The following COL6A3 variants were observed in gnomAD, a reference collection of about 807,000 sequenced individuals.
The protein encoded by COL6A3 is collagen alpha-3(VI) chain.
In COL6A3, 137 loss-of-function variants were observed where a neutral mutation model predicts 274.1. The observed-to-expected ratio is 0.50, with a 90% CI of 0.44 to 0.58. COL6A3 has a LOEUF of 0.58. COL6A3 is among the 20% of genes least tolerant of loss of function. The pLI is 0.00. For synonymous variants in COL6A3, 1,650 were observed against 1,650.6 expected, an observed-to-expected ratio of 1.00 and a Z score of 0.01; for missense variants, 3,950 against 4,124.9, an observed-to-expected ratio of 0.96 and a Z score of 1.16.
chr2:237,398,622 G>A (rs568284619), intron 1 of COL6A3, among the ~76,000 whole-genome samples: 1 of 152,212 alleles, frequency 6.6e-6, no homozygotes, highest in Admixed American at 6.5e-5. Context: ...CTGCCCACAG[G>A]ACCCTGTGCT....
In COL6A3 at chr2:237,368,429, A is replaced by G. The variant is rs773687113; in HGVS notation, c.4900+134T>C. On this transcript the variant is annotated intron_variant, in intron 10 of 43. Transcript: ENST00000295550. This position sits in a 1 kb window ranked among gnomAD's most constrained non-coding sequence, Gnocchi z 4.4. ...ATTTCAATGGAACTACTTTTCCAGT[A>G]TTTAATTTCTAATATTATCTGAAGA... The G allele has an allele frequency of 8.9e-7, 1 of 1,125,812 alleles. No individual in the cohort carries two copies. The highest frequency in any genetic ancestry group is 1.6e-5 in the South Asian group (1 of 62,270). 69.7% of individuals were successfully genotyped at this position (1,125,812 alleles called of 1,614,324 possible).
At chr2:237,357,262 G>T in intron 23 of COL6A3, 76 bp downstream of exon 23, 1 of 1,242,760 alleles carries the variant, frequency 8.0e-7, no homozygotes, top group Non-Finnish European at 1.2e-6. Flanking sequence ...GACTAACCAT[G>T]CACCAGGTCA....
rs1293149025 is a variant in COL6A3, at chr2:237,374,278, A to C, written c.3679+134T>G. 6.7e-6 allele frequency: 9 copies of C among 1,346,330 alleles called. No homozygotes were observed. Among genetic ancestry groups the C allele is most frequent in the East Asian group, 4.6e-5 (2 of 43,388 alleles). 83.4% of individuals were successfully genotyped at this position (1,346,330 alleles called of 1,614,324 possible). On this transcript the variant is annotated intron_variant, in intron 8 of 43. Coordinates refer to ENST00000295550, the MANE Select transcript of COL6A3 (RefSeq NM_004369.4). The surrounding 1 kb of genome is among the most constrained non-coding windows in gnomAD (Gnocchi z 4.8). The stretch of plus-strand genomic sequence containing the variant: ...GGCCAAAAAGGGCATGTGGGTTCCT[A>C]AATTTTCCTGTAATTTTAGTTTTCA...
chr2:237,374,205 G>A lies in COL6A3; in HGVS notation c.3679+207C>T, dbSNP rs967277176. Among the ~76,000 whole-genome samples, 6 of 152,172 alleles carry A rather than the reference G, an allele frequency of 3.9e-5. No homozygotes were observed. Among genetic ancestry groups the A allele is most frequent in the Non-Finnish European group, 1.5e-5 (1 of 68,034 alleles). On this transcript the variant is annotated intron_variant, in intron 8 of 43. Coordinates refer to ENST00000295550, the MANE Select transcript of COL6A3 (RefSeq NM_004369.4). The surrounding 1 kb of genome is among the most constrained non-coding windows in gnomAD (Gnocchi z 4.8). The stretch of plus-strand genomic sequence containing the variant: ...GAGAATTTAATTTGCCCCAAAACAT[G>A]AATCTTAGCATCTCCCCCCTTGAAC...
Position 237,344,150 on chromosome 2 carries a change from G to A in COL6A3, c.7668+200C>T. 3 of 752,718 alleles carry A rather than the reference G, an allele frequency of 4.0e-6. No individual in the cohort carries two copies. In the South Asian group the frequency reaches 4.6e-5, roughly 11 times the overall value. 46.6% of individuals were successfully genotyped at this position (752,718 alleles called of 1,614,324 possible). A position where few individuals can be genotyped will look rare whatever the true frequency, so the allele number is the denominator to read the frequency against. ...GAGGGACCTGGGGGCAGTGCTACAA[G>A]CATGTAGGCGTCCCTGTAGTGCTGG... is the stretch of plus-strand genomic sequence containing the variant. On this transcript the variant is annotated intron_variant, in intron 36 of 43. Transcript: ENST00000295550. This position sits in a 1 kb window ranked among gnomAD's most constrained non-coding sequence, Gnocchi z 4.8.
Position 237,387,738 on chromosome 2 carries a change from T to A in COL6A3, c.1156A>T (p.Arg386Trp). 6.2e-7 allele frequency: 1 copy of A among 1,614,044 alleles called. No individual in the cohort carries two copies. The highest frequency in any genetic ancestry group is 8.5e-7 in the Non-Finnish European group (1 of 1,179,962). ...GTAGCTATGTGCTGAAGCTCTGCCC[T>A]GGAGGCGGCCTGGGCTCCAAGGCCG... ...SFGLGAQAASRAELQHIATDD... is the reference protein window; with the variant it reads ...SFGLGAQAASWAELQHIATDD... The change falls in exon 4 of 44, where the codon AGG becomes TGG. Residue 386 changes from arginine (R) to tryptophan (W), a missense_variant. This residue lies in a region of COL6A3 where 1,934 missense variants were observed against 1,984.3 expected (regional missense o/e 0.97). Transcript: ENST00000295550.
intron 8 of COL6A3, among the ~76,000 whole-genome samples, chr2:237,372,864 T>C (rs1193944057): frequency 6.6e-6 from 1 of 152,138 alleles, no homozygotes; most frequent in Non-Finnish European, 1.5e-5. Flanking sequence ...ATGCATTTTA[T>C]CATGGATGGA....
In COL6A3 at chr2:237,368,972, G is replaced by A. The variant is rs558665283; in HGVS notation, c.4491C>T (p.Ala1497=). ...GGCGCCGTATGGCGTCCAGCACCGG[G>A]GCCTGGGATCTGTAGGTTTTCAGAT... The part of the protein sequence containing the change: ...EFYLKTYRSQ[A]PVLDAIRRLR... Residue 1497 remains alanine (A), a synonymous_variant, in exon 10 of 44, where the codon GCC becomes GCT. Transcript: ENST00000295550. The surrounding 1 kb of genome is among the most constrained non-coding windows in gnomAD (Gnocchi z 4.4). 43 of 1,614,186 alleles carry A rather than the reference G, an allele frequency of 2.7e-5. No homozygotes were observed. The East Asian group carries it at 5.1e-4, about 19-fold the overall frequency.
chr2:237,396,131 C>T (rs994762248), intron 2 of COL6A3, among the ~76,000 whole-genome samples: 17 of 152,212 alleles, frequency 1.1e-4, no homozygotes, highest in African/African-American at 3.9e-4. Context: ...AGAGGGAGAC[C>T]CACCTGAGTC....
chr2:237,376,755 G>C lies in COL6A3; in HGVS notation c.3070+17C>G. ...AGAGAACTGAGTGGCAGAGCAACTA[G>C]CATTTCTCTACCATACCTGGTGCTG... On this transcript the variant is annotated intron_variant, in intron 7 of 43. Transcript: ENST00000295550. 6.2e-7 allele frequency: 1 copy of C among 1,610,350 alleles called. No individual in the cohort carries two copies.
At position 237,342,114 on chromosome 2, in the gene COL6A3, T is replaced by A; in HGVS notation, c.7716A>T (p.Arg2572Ser). 6.2e-7 allele frequency: 1 copy of A among 1,614,222 alleles called. No homozygotes were observed. Among genetic ancestry groups the A allele is most frequent in the Non-Finnish European group, 8.5e-7 (1 of 1,180,042 alleles). ...VGHALVLPAGRDLTDFLENVL... is the reference protein window; with the variant it reads ...VGHALVLPAGSDLTDFLENVL... ...CATTCTCCAGGAAGTCTGTGAGGTC[T>A]CTCCCTGCAGGCAGGACAAGCGCAT... Residue 2572 changes from arginine (R) to serine (S), a missense_variant, in exon 37 of 44, where the codon AGA (arginine) becomes AGT (serine). Coordinates refer to ENST00000295550, the MANE Select transcript of COL6A3 (RefSeq NM_004369.4).
In COL6A3 at chr2:237,325,696, T is replaced by G; in HGVS notation, c.9357A>C (p.Gly3119=). The G allele has an allele frequency of 6.2e-7, 1 of 1,614,118 alleles. No individual in the cohort carries two copies. Among genetic ancestry groups the G allele is most frequent in the Non-Finnish European group, 8.5e-7 (1 of 1,180,010 alleles). Residue 3119 remains glycine, a synonymous_variant, in exon 43 of 44, where the codon GGA becomes GGC. Coordinates refer to ENST00000295550, the MANE Select transcript of COL6A3 (RefSeq NM_004369.4). ...TDICKLPKDE[G]TCRDFILKWY... ...ATTTTAATATGAAATCCCTGCAAGT[T>G]CCTTCGTCTTTCGGCAACTTGCATA...
In COL6A3 at chr2:237,363,390, C is replaced by T; in HGVS notation, c.5926G>A (p.Ala1976Thr). 3 of 1,614,200 alleles carry T rather than the reference C, an allele frequency of 1.9e-6. No individual in the cohort carries two copies. The African/African-American group carries it at 4.0e-5, about 22-fold the overall frequency. The change falls in exon 14 of 44, where the codon GCC becomes ACC. Residue 1976 changes from alanine (A) to threonine (T), a missense_variant. Transcript: ENST00000295550. The part of the protein sequence containing the change: ...SENLRQEGVR[A>T]LILVGLERVV... ...CGTTCAAGGCCCACCAGGATCAAGG[C>T]ACGGACTCCTGCAAAGAAAGACACA...
intron 38 of COL6A3, among the ~76,000 whole-genome samples, chr2:237,339,597 A>T (rs527764996): frequency 6.6e-6 from 1 of 152,364 alleles, no homozygotes; most frequent in Non-Finnish European, 1.5e-5. Flanking sequence ...TGGGGGCCAG[A>T]CCTTCACAAA....
chr2:237,367,672 T>C (rs2077586121), intron 10 of COL6A3, among the ~76,000 whole-genome samples: 2 of 152,202 alleles, frequency 1.3e-5, no homozygotes, highest in Admixed American at 6.5e-5. Flanking sequence ...AAGTTTCCTT[T>C]GTGGTCAAGA....
intron 1 of COL6A3, among the ~76,000 whole-genome samples, chr2:237,412,565 A>G (rs1013407577): frequency 1.3e-5 from 2 of 152,176 alleles, no homozygotes; most frequent in African/African-American, 4.8e-5. Flanking sequence ...CTGACCAAAA[A>G]TCTCTTCCAT....
chr2:237,331,507 G>A (rs992489471), intron 42 of COL6A3, among the ~76,000 whole-genome samples: 6 of 152,016 alleles, frequency 3.9e-5, no homozygotes, highest in African/African-American at 1.2e-4. Context: ...AGGTCGGTGC[G>A]AAAGTAATTC....
chr2:237,364,292 C>T lies in COL6A3; in HGVS notation c.5917+58G>A, dbSNP rs562750852. On this transcript the variant is annotated intron_variant, in intron 13 of 43. Coordinates refer to ENST00000295550, the MANE Select transcript of COL6A3 (RefSeq NM_004369.4). This position sits in a 1 kb window ranked among gnomAD's most constrained non-coding sequence, Gnocchi z 4.6. ...GCAGAGAGGTTTCTCTCCAGCAGAG[C>T]AGTACACCCCGCCTCACCAGGGTTT... The T allele has an allele frequency of 2.4e-5, 31 of 1,316,346 alleles. No individual in the cohort carries two copies. The highest frequency in any genetic ancestry group is 3.2e-5 in the Non-Finnish European group (29 of 912,184). 81.5% of individuals were successfully genotyped at this position (1,316,346 alleles called of 1,614,324 possible).
At chr2:237,362,986 G>C (rs764988984) in intron 14 of COL6A3, among the ~76,000 whole-genome samples, 19 of 152,222 alleles carry the variant, frequency 1.2e-4, no homozygotes, top group Admixed American at 4.6e-4. Flanking sequence ...TGCTAAGGGA[G>C]CAGAGAAAAT....
Sources: allele counts gnomAD v4.1 joint callset (sites outside exome capture counted in the v4.1 genomes callset), GRCh38; gene constraint gnomAD v4.1.1; regional missense constraint gnomAD v4.1.1; non-coding constraint Gnocchi (gnomAD v3.1); transcripts MANE v1.5; gene names NCBI Gene and HGNC (gene_info 2026-07-23, HGNC 2026-07-21).